The following VPS50 variants were observed in gnomAD, a reference collection of about 807,000 sequenced individuals.
VPS50 encodes syndetin.
VPS50 carries 70 observed loss-of-function variants against 139.7 expected under a neutral mutation model. The observed-to-expected ratio is 0.50, with a 90% confidence interval of 0.41 to 0.61. VPS50 has a LOEUF of 0.61. VPS50 is among the 20% of genes least tolerant of loss of function. The probability of loss-of-function intolerance (pLI) is 0.00; values close to 1 mark genes in which losing one functional copy is unlikely to be tolerated. For missense variants in VPS50, 921 were observed against 1,133.7 expected (o/e 0.81, Z 2.69); for synonymous variants, 365 against 376.7 (o/e 0.97, Z 0.36).
intron 2 of VPS50, chr7:93,246,103 TAG>T: frequency 6.6e-7 from 1 of 1,521,404 alleles, no homozygotes; most frequent in Non-Finnish European, 8.8e-7. Flanking sequence ...TGCTTTCAGT[TAG>T]AGCCCTAACG....
chr7:93,261,163 A>G (rs1157603479), intron 9 of VPS50, among the ~76,000 whole-genome samples: 3 of 152,188 alleles, frequency 2.0e-5, no homozygotes, highest in Admixed American at 6.5e-5. Flanking sequence ...ATTTGAACCA[A>G]AGCATCCATT....
At chr7:93,300,371 C>A (rs1206770495) in intron 16 of VPS50, among the ~76,000 whole-genome samples, 1 of 151,822 alleles carries the variant, frequency 6.6e-6, no homozygotes, top group African/African-American at 2.4e-5. Flanking sequence ...GCATTGATAC[C>A]AAAACATAAC....
At chr7:93,237,377 G>A in intron 1 of VPS50, among the ~76,000 whole-genome samples, 1 of 152,190 alleles carries the variant, frequency 6.6e-6, no homozygotes, top group East Asian at 1.9e-4. Flanking sequence ...CTGCTCCAGA[G>A]CCCATTGCTA....
At chr7:93,266,941 A>G (rs971424229) in intron 9 of VPS50, among the ~76,000 whole-genome samples, 1 of 152,152 alleles carries the variant, frequency 6.6e-6, no homozygotes, top group African/African-American at 2.4e-5. Flanking sequence ...TGATTTATAG[A>G]TTTTTATGTT....
chr7:93,237,205 C>T (rs1225637847), intron 1 of VPS50, among the ~76,000 whole-genome samples: 2 of 151,942 alleles, frequency 1.3e-5, no homozygotes, highest in African/African-American at 2.4e-5. Context: ...ATCCGCCCGC[C>T]TCGGCCTCCC....
At chr7:93,340,958 A>G (rs1798192549) in intron 22 of VPS50, 1 of 153,288 alleles carries the variant, frequency 6.5e-6, no homozygotes, top group South Asian at 2.0e-4. Context: ...GCTCTGTTCT[A>G]GTTTATAACT....
chr7:93,275,935 C>A, intron 11 of VPS50: 1 of 472,860 alleles, frequency 2.1e-6, no homozygotes, highest in Non-Finnish European at 3.8e-6. Context: ...AACAACAGAG[C>A]AGTGTTCACG....
rs746552797 is a variant in VPS50, at chr7:93,311,187, A to G, written c.1770A>G (p.Lys590=). Residue 590 remains lysine (K), a synonymous_variant, in exon 20 of 28, where the codon AAA becomes AAG. Coordinates refer to ENST00000305866, the MANE Select transcript of VPS50 (RefSeq NM_017667.4). ...CAAGTGTTTCTCGGGAAACTCTAAAAAGCAGGAAGAAATCAGATTACAGTC... is the reference window on the plus strand; with the variant it reads ...CAAGTGTTTCTCGGGAAACTCTAAAGAGCAGGAAGAAATCAGATTACAGTC... The part of the protein sequence containing the change: ...PVKSVSRETL[K]SRKKSDYSLN... 7.5e-7 allele frequency: 1 copy of G among 1,339,412 alleles called. No homozygotes were observed. The highest frequency in any genetic ancestry group is 1.1e-6 in the Non-Finnish European group (1 of 929,594). The allele number at this position is 1,339,412 out of a possible 1,614,324, so 83.0% of individuals were successfully genotyped here.
intron 9 of VPS50, among the ~76,000 whole-genome samples, chr7:93,265,814 GC>G (rs1795826098): frequency 1.3e-5 from 2 of 152,072 alleles, no homozygotes; most frequent in South Asian, 4.1e-4. Flanking sequence ...TGATCCACCT[GC>G]CTCAGCCTCC....
intron 22 of VPS50, among the ~76,000 whole-genome samples, chr7:93,334,918 A>C (rs1361791472): frequency 6.6e-6 from 1 of 152,182 alleles, no homozygotes; most frequent in Non-Finnish European, 1.5e-5. Flanking sequence ...CTTTAACCCC[A>C]GGCTTCTCTG....
At chr7:93,342,541 A>G (rs1241112753) in intron 23 of VPS50, among the ~76,000 whole-genome samples, 1 of 152,156 alleles carries the variant, frequency 6.6e-6, no homozygotes, top group Non-Finnish European at 1.5e-5. Flanking sequence ...AGACAAACAA[A>G]AAGACAGCAG....
At chr7:93,322,051 G>A (rs1010179101) in intron 20 of VPS50, among the ~76,000 whole-genome samples, 1 of 151,014 alleles carries the variant, frequency 6.6e-6, no homozygotes, top group Non-Finnish European at 1.5e-5. Context: ...TAATTGCAAA[G>A]GATGATTGTG....
At chr7:93,239,247 A>G (rs185406000) in intron 1 of VPS50, among the ~76,000 whole-genome samples, 42 of 152,290 alleles carry the variant, frequency 2.8e-4, no homozygotes, top group African/African-American at 1.0e-3. Flanking sequence ...ATTTCTTTCT[A>G]TTTTAATAAT....
At chr7:93,348,208 C>T (rs1227639578) in intron 23 of VPS50, among the ~76,000 whole-genome samples, 1 of 152,180 alleles carries the variant, frequency 6.6e-6, no homozygotes, top group Non-Finnish European at 1.5e-5. Flanking sequence ...ACTCCCATTC[C>T]TGTACCCAGC....
intron 14 of VPS50, 117 bp downstream of exon 14, chr7:93,294,753 T>TACTCCC: frequency 1.3e-6 from 1 of 768,928 alleles, no homozygotes; most frequent in South Asian, 2.6e-5. Flanking sequence ...TAATCATATG[T>TACTCCC]TTCTGTTTGG....
chr7:93,326,373 A>C (rs1044535462), intron 21 of VPS50, among the ~76,000 whole-genome samples: 1 of 150,480 alleles, frequency 6.6e-6, no homozygotes, highest in African/African-American at 2.4e-5. Flanking sequence ...GGTGCAGCAC[A>C]CCAGCATGGC....
At chr7:93,256,224 A>G (rs919374547) in intron 4 of VPS50, among the ~76,000 whole-genome samples, 2 of 152,176 alleles carry the variant, frequency 1.3e-5, no homozygotes, top group South Asian at 4.1e-4. Context: ...TTTTTGGTTA[A>G]TGTTACTTAA....
chr7:93,247,782 G>T (rs915029381), intron 2 of VPS50, among the ~76,000 whole-genome samples: 5 of 152,038 alleles, frequency 3.3e-5, no homozygotes, highest in Admixed American at 2.6e-4. Context: ...TTTAGGGGAA[G>T]ATAAGGTTAT....
chr7:93,248,498 G>T (rs1584384950), intron 2 of VPS50, among the ~76,000 whole-genome samples: 1 of 152,062 alleles, frequency 6.6e-6, no homozygotes, highest in Admixed American at 6.6e-5. Context: ...TCCTAAATCA[G>T]TTCACATCGT....
Sources: gnomAD v4.1 joint callset for allele counts (sites outside exome capture counted in the v4.1 genomes callset) on GRCh38, gnomAD v4.1.1 for gene constraint, MANE v1.5 for transcripts, NCBI Gene and HGNC (gene_info 2026-07-23, HGNC 2026-07-21) for gene names.